DRD4: variants seen among roughly 807,000 people sequenced by gnomAD.
DRD4 encodes the protein dopamine receptor D4, also known as D(4) dopamine receptor.
Under a neutral mutation model 22.1 loss-of-function variants are expected in DRD4, and 26 were observed. The ratio of observed to expected loss-of-function variants is 1.17; its 90% confidence interval spans 0.86 to 1.63. DRD4 has a LOEUF of 1.63. Among genes scored for constraint, DRD4 ranks in the 40% most tolerant of loss-of-function variants. The pLI is 0.00. For missense variants in DRD4, 913 were observed against 632.4 expected, an observed-to-expected ratio of 1.44 and a Z score of -4.76; for synonymous variants, 455 against 306.7, an observed-to-expected ratio of 1.48 and a Z score of -5.05.
chr11:639,227 C>T (rs1858139383), intron 1 of DRD4: 2 of 579,792 alleles, frequency 3.4e-6, no homozygotes, highest in Non-Finnish European at 6.3e-6. Context: ...AGCACTCCAG[C>T]CGCGGTGACA....
In DRD4 at chr11:639,642, C is replaced by G; in HGVS notation, c.399-6C>G. 1 of 1,445,610 alleles carries G rather than the reference C, an allele frequency of 6.9e-7. No homozygotes were observed. Among genetic ancestry groups the G allele is most frequent in the Non-Finnish European group, 9.1e-7 (1 of 1,101,186 alleles). The allele number at this position is 1,445,610 out of a possible 1,614,324, so 89.5% of individuals were successfully genotyped here. A position where few individuals can be genotyped will look rare whatever the true frequency, so the allele number is the denominator to read the frequency against. On this transcript the variant is annotated splice_region_variant and splice_polypyrimidine_tract_variant and intron_variant, in intron 2 of 3. Coordinates refer to ENST00000176183, the MANE Select transcript of DRD4 (RefSeq NM_000797.4). Reference sequence around the variant, plus strand: ...CTGTCCGGCGCCCCCTCGGCGCTCCCCGCAGGTTCGTGGCCGTGGCCGTGC... The same window carrying G: ...CTGTCCGGCGCCCCCTCGGCGCTCCGCGCAGGTTCGTGGCCGTGGCCGTGC...
intron 1 of DRD4, 105 bp from the exon 2 acceptor site, chr11:639,327 GC>G: frequency 9.4e-7 from 1 of 1,068,984 alleles, no homozygotes; most frequent in South Asian, 1.3e-5. Context: ...TCACAGCCGG[GC>G]CCCCTTCTCC....
At position 640,141 on chromosome 11, in the gene DRD4, G is replaced by A. The variant is rs1858191573; in HGVS notation, c.892G>A (p.Ala298Thr). 3 of 1,463,586 alleles carry A rather than the reference G, an allele frequency of 2.0e-6. No homozygotes were observed. Among genetic ancestry groups the A allele is most frequent in the Non-Finnish European group, 2.7e-6 (3 of 1,112,068 alleles). The allele number at this position is 1,463,586 out of a possible 1,614,324, so 90.7% of individuals were successfully genotyped here. A position where few individuals can be genotyped will look rare whatever the true frequency, so the allele number is the denominator to read the frequency against. The change falls in exon 3 of 4, where the codon GCG (alanine) becomes ACG (threonine). Residue 298 changes from alanine to threonine, a missense_variant. Transcript: ENST00000176183. ...DPCGPDCAPP[A>T]PGLPPDPCGS... The stretch of plus-strand genomic sequence containing the variant: ...CTGCGGCCCCGACTGTGCGCCCCCC[G>A]CGCCCGGCCTCCCCCCGGACCCCTG...
chr11:638,245 C>T (rs940361402), intron 1 of DRD4, among the ~76,000 whole-genome samples: 4 of 152,158 alleles, frequency 2.6e-5, no homozygotes, highest in Non-Finnish European at 4.4e-5. Flanking sequence ...AGCCCCTCTG[C>T]GGCCAGAGAA....
In DRD4 at chr11:639,801, G is replaced by A. The variant is rs761867041; in HGVS notation, c.552G>A (p.Val184=). 1.5e-5 allele frequency: 24 copies of A among 1,581,432 alleles called. No homozygotes were observed. In the East Asian group the frequency reaches 5.0e-4, roughly 33 times the overall value. ...ACGTGCGCGGCCGCGACCCCGCCGT[G>A]TGCCGCCTGGAGGACCGCGACTACG... is the stretch of plus-strand genomic sequence containing the variant. ...LNDVRGRDPA[V]CRLEDRDYVV... is the part of the protein sequence containing the mutation. The change falls in exon 3 of 4, where the codon GTG becomes GTA. Residue 184 remains valine, a synonymous_variant. Transcript: ENST00000176183.
In DRD4 at chr11:640,540, C is replaced by A; in HGVS notation, c.1197C>A (p.Ile399=). 6.2e-7 allele frequency: 1 copy of A among 1,600,664 alleles called. No individual in the cohort carries two copies. The highest frequency in any genetic ancestry group is 1.1e-5 in the South Asian group (1 of 91,084). Residue 399 remains isoleucine, a synonymous_variant, in exon 4 of 4, where the codon ATC becomes ATA. Coordinates refer to ENST00000176183, the MANE Select transcript of DRD4 (RefSeq NM_000797.4). ...TCAACAGCGCCCTCAACCCCGTCATCTACACTGTCTTCAACGCCGAGTTCC... is the reference window on the plus strand; with the variant it reads ...TCAACAGCGCCCTCAACCCCGTCATATACACTGTCTTCAACGCCGAGTTCC... ...GYVNSALNPV[I]YTVFNAEFRN...
Position 640,462 on chromosome 11 carries a change from T to TGCCTGCTCCGTGCCCC in DRD4, c.1120_1135dup (p.Pro379ArgfsTer76). 6.2e-7 allele frequency: 1 copy of TGCCTGCTCCGTGCCCC among 1,602,120 alleles called. No homozygotes were observed. Among genetic ancestry groups the TGCCTGCTCCGTGCCCC allele is most frequent in the Non-Finnish European group, 8.5e-7 (1 of 1,179,782 alleles). On this transcript the variant is annotated frameshift_variant, in exon 4 of 4. Coordinates refer to ENST00000176183, the MANE Select transcript of DRD4 (RefSeq NM_000797.4). LOFTEE classifies it low-confidence loss of function (END_TRUNC). ...TGCACATCACGCAGGCGCTGTGTCC[T>TGCCTGCTCCGTGCCCC]GCCTGCTCCGTGCCCCCGCGGCTGG...
At chr11:639,599 C>T (rs1342048034) in intron 2 of DRD4, 49 bp from the exon 3 acceptor site, 3 of 1,303,360 alleles carry the variant, frequency 2.3e-6, no homozygotes, top group Non-Finnish European at 2.9e-6. Flanking sequence ...GCCCGCCGCC[C>T]TCACCGCGGC....
In DRD4 at chr11:639,741, G is replaced by T. The variant is rs773171866; in HGVS notation, c.492G>T (p.Ala164=). 6.5e-7 allele frequency: 1 copy of T among 1,534,522 alleles called. No homozygotes were observed. The highest frequency in any genetic ancestry group is 1.4e-5 in the African/African-American group (1 of 70,320). The change falls in exon 3 of 4, where the codon GCG becomes GCT. Residue 164 remains alanine, a synonymous_variant. Coordinates refer to ENST00000176183, the MANE Select transcript of DRD4 (RefSeq NM_000797.4). ...LLIGATWLLS[A]AVAAPVLCGL... is the part of the protein sequence containing the mutation. The stretch of plus-strand genomic sequence containing the variant: ...TCGGCGCCACGTGGCTGCTGTCCGC[G>T]GCGGTGGCGGCGCCCGTACTGTGCG...
Position 639,898 on chromosome 11 carries a change from C to T in DRD4, c.649C>T (p.Arg217Cys), listed in dbSNP as rs746581926. 1.0e-5 allele frequency: 16 copies of T among 1,566,970 alleles called. No individual in the cohort carries two copies. The highest frequency in any genetic ancestry group is 2.8e-5 in the African/African-American group (2 of 72,016). The part of the protein sequence containing the change: ...LMLLLYWATF[R>C]GLQRWEVARR... ...GCTGCTGCTCTACTGGGCCACGTTC[C>T]GCGGCCTGCAGCGCTGGGAGGTGGC... The change falls in exon 3 of 4, where the codon CGC becomes TGC. Residue 217 changes from arginine to cysteine, a missense_variant. Physicochemically the swap from Arg to Cys is radical, Grantham distance 180. Coordinates refer to ENST00000176183, the MANE Select transcript of DRD4 (RefSeq NM_000797.4).
rs1437767239 is a variant in DRD4, at chr11:640,535, G to C, written c.1192G>C (p.Val398Leu). ...LGYVNSALNP[V>L]IYTVFNAEFR... ...CTACGTCAACAGCGCCCTCAACCCC[G>C]TCATCTACACTGTCTTCAACGCCGA... The change falls in exon 4 of 4, where the codon GTC becomes CTC. Residue 398 changes from valine (V) to leucine (L), a missense_variant. Coordinates refer to ENST00000176183, the MANE Select transcript of DRD4 (RefSeq NM_000797.4). The C allele has an allele frequency of 1.2e-6, 2 of 1,600,614 alleles. No individual in the cohort carries two copies. Among genetic ancestry groups the C allele is most frequent in the Non-Finnish European group, 1.7e-6 (2 of 1,179,752 alleles).
Position 640,083 on chromosome 11 carries a change from T to TGCCCCCGCC in DRD4, c.836_837insCCCCGCCGC (p.Ala281_Pro283dup). ...CCCGGGGTCCCTGCGGCCCCGACTG[T>TGCCCCCGCC]GCGCCCGCCGCGCCCAGCCTCCCCC... On this transcript the variant is annotated inframe_insertion, in exon 3 of 4. Coordinates refer to ENST00000176183, the MANE Select transcript of DRD4 (RefSeq NM_000797.4). The TGCCCCCGCC allele has an allele frequency of 9.1e-7, 1 of 1,102,248 alleles. No individual in the cohort carries two copies. Among genetic ancestry groups the TGCCCCCGCC allele is most frequent in the Non-Finnish European group, 1.2e-6 (1 of 863,112 alleles). The allele number at this position is 1,102,248 out of a possible 1,614,324, so 68.3% of individuals were successfully genotyped here. A position where few individuals can be genotyped will look rare whatever the true frequency, so the allele number is the denominator to read the frequency against.
chr11:638,713 C>T (rs1270882819), intron 1 of DRD4, among the ~76,000 whole-genome samples: 1 of 152,124 alleles, frequency 6.6e-6, no homozygotes, highest in Non-Finnish European at 1.5e-5. Flanking sequence ...ACCCTGCCTA[C>T]CCCAGGCTGG....
rs758244090 is a variant in DRD4, at chr11:639,440, G to A, written c.293G>A (p.Gly98Asp). 2.5e-6 allele frequency: 4 copies of A among 1,592,788 alleles called. No homozygotes were observed. Among genetic ancestry groups the A allele is most frequent in the Non-Finnish European group, 3.4e-6 (4 of 1,176,442 alleles). Residue 98 changes from glycine (G) to aspartate (D), a missense_variant, in exon 2 of 4, where the codon GGT (glycine) becomes GAT (aspartate). Gly to Asp is a moderately conservative substitution (Grantham distance 94, BLOSUM62 -1). Transcript: ENST00000176183. Reference sequence around the variant, plus strand: ...TGTGGTGTCGCCGCGCAGGTCCAGGGTGGCGCGTGGCTGCTGAGCCCCCGC... The same window carrying A: ...TGTGGTGTCGCCGCGCAGGTCCAGGATGGCGCGTGGCTGCTGAGCCCCCGC... Reference protein sequence around the residue: ...LPLFVYSEVQGGAWLLSPRLC... With the variant: ...LPLFVYSEVQDGAWLLSPRLC...
At chr11:637,613 G>T (rs753316384) in intron 1 of DRD4, 24 bp downstream of exon 1, 2 of 1,540,334 alleles carry the variant, frequency 1.3e-6, no homozygotes, top group Admixed American at 3.9e-5. Flanking sequence ...GGCCGCACGA[G>T]CATCCTCACC....
At chr11:639,377 G>T in intron 1 of DRD4, 56 bp from the exon 2 acceptor site, 1 of 1,498,356 alleles carries the variant, frequency 6.7e-7, no homozygotes, top group South Asian at 1.2e-5. Context: ...GTGGGGGCGG[G>T]TCACAAGGGC....
In DRD4 at chr11:639,759, ACTGTGCGGCCTCAACGAC is replaced by A; in HGVS notation, c.511_528del (p.Leu171_Asp176del). 6.4e-7 allele frequency: 1 copy of A among 1,565,038 alleles called. No homozygotes were observed. The highest frequency in any genetic ancestry group is 1.1e-5 in the South Asian group (1 of 87,622). The stretch of plus-strand genomic sequence containing the variant: ...TGTCCGCGGCGGTGGCGGCGCCCGT[ACTGTGCGGCCTCAACGAC>A]GTGCGCGGCCGCGACCCCGCCGTGT... On this transcript the variant is annotated inframe_deletion, in exon 3 of 4. Transcript: ENST00000176183.
At position 640,685 on chromosome 11, in the gene DRD4, A is replaced by G; in HGVS notation, c.*82A>G. 6.7e-7 allele frequency: 1 copy of G among 1,496,358 alleles called. No individual in the cohort carries two copies. The highest frequency in any genetic ancestry group is 9.1e-7 in the Non-Finnish European group (1 of 1,096,390). 92.7% of individuals were successfully genotyped at this position (1,496,358 alleles called of 1,614,324 possible). On this transcript the variant is annotated 3_prime_UTR_variant, in exon 4 of 4. Coordinates refer to ENST00000176183, the MANE Select transcript of DRD4 (RefSeq NM_000797.4). ...ATGGGGAGGGCGCTTTTGTACGTTA[A>G]TTAAACAAATTCCTTCCCAAACTCA...
In DRD4 at chr11:637,370, A is replaced by C. The variant is rs1858082809; in HGVS notation, c.66A>C (p.Ala22=). Residue 22 remains alanine (A), a synonymous_variant, in exon 1 of 4, where the codon GCA becomes GCC. Coordinates refer to ENST00000176183, the MANE Select transcript of DRD4 (RefSeq NM_000797.4). ...LLAGRGPAAG[A]SAGASAGLAG... ...CTGGGCGCGGGCCGGCCGCGGGGGC[A>C]TCTGCGGGGGCATCTGCGGGGCTGG... 3 of 1,146,162 alleles carry C rather than the reference A, an allele frequency of 2.6e-6. No homozygotes were observed. Among genetic ancestry groups the C allele is most frequent in the African/African-American group, 1.6e-5 (1 of 60,988 alleles). The allele number at this position is 1,146,162 out of a possible 1,614,324, so 71.0% of individuals were successfully genotyped here.
Sources: allele counts gnomAD v4.1 joint callset (sites outside exome capture counted in the v4.1 genomes callset), GRCh38; gene constraint gnomAD v4.1.1; transcripts MANE v1.5; gene names NCBI Gene and HGNC (gene_info 2026-07-23, HGNC 2026-07-21).